The following MYH11 variants were observed in gnomAD, a reference collection of about 807,000 sequenced individuals.
MYH11 encodes myosin heavy chain 11.
A neutral mutation model predicts 246.6 loss-of-function variants in MYH11; 80 were observed. The observed-to-expected ratio is 0.32, with a 90% CI of 0.27 to 0.39. MYH11 has a LOEUF of 0.39. MYH11 is among the 10% of genes least tolerant of loss of function. MYH11 has a pLI of 1.00. For missense variants in MYH11, 2,158 were observed against 2,546.8 expected (o/e 0.85, Z 3.29); for synonymous variants, 1,071 against 1,015.5 (o/e 1.05, Z -1.04).
chr16:15,787,641 T>C (rs1217982047), intron 4 of MYH11, among the ~76,000 whole-genome samples: 1 of 151,726 alleles, frequency 6.6e-6, no homozygotes, highest in Non-Finnish European at 1.5e-5. Flanking sequence ...ACTCGGCTAA[T>C]TTTTTGTATT....
chr16:15,763,741 T>TCGGCCCC, intron 10 of MYH11, 55 bp downstream of exon 10: 7 of 646,846 alleles, frequency 1.1e-5, no homozygotes, highest in East Asian at 3.2e-5. Context: ...AAATGTCACC[T>TCGGCCCC]CCCCCACCCC....
chr16:15,819,876 A>G (rs573236617), intron 3 of MYH11, among the ~76,000 whole-genome samples: 2 of 152,302 alleles, frequency 1.3e-5, no homozygotes, highest in Admixed American at 1.3e-4. Flanking sequence ...TTCAATGACT[A>G]CAAGAGCGAT....
intron 38 of MYH11, among the ~76,000 whole-genome samples, chr16:15,716,452 TA>T (rs2040146527): frequency 6.6e-6 from 1 of 152,168 alleles, no homozygotes; most frequent in Non-Finnish European, 1.5e-5. Context: ...ATTCGACCCA[TA>T]ATTAAGAAGG....
intron 8 of MYH11, among the ~76,000 whole-genome samples, chr16:15,774,508 T>TA (rs1439198655): frequency 6.6e-6 from 1 of 152,206 alleles, no homozygotes; most frequent in East Asian, 1.9e-4. Flanking sequence ...TGCTGGTACA[T>TA]AAAAAATCCA....
At chr16:15,792,964 AG>A (rs1345685835) in intron 4 of MYH11, among the ~76,000 whole-genome samples, 3 of 152,104 alleles carry the variant, frequency 2.0e-5, no homozygotes, top group Non-Finnish European at 2.9e-5. Flanking sequence ...TGAACTCCTG[AG>A]CTCAAGCGAT....
intron 7 of MYH11, 136 bp downstream of exon 7, chr16:15,778,644 T>C: frequency 1.1e-6 from 1 of 901,430 alleles, no homozygotes; most frequent in East Asian, 2.5e-5. Context: ...ATGCCTGCTG[T>C]TAAGGGGAGA....
At chr16:15,823,461 G>T (rs769330885) in intron 2 of MYH11, 50 bp from the exon 3 acceptor site, 2 of 1,609,958 alleles carry the variant, frequency 1.2e-6, no homozygotes, top group Admixed American at 1.7e-5. Context: ...AGGGTAGACA[G>T]ATTGCACAGA....
In MYH11 at chr16:15,756,513, T is replaced by C. The variant is rs1314880898; in HGVS notation, c.1577A>G (p.Asn526Ser). 5 of 1,614,148 alleles carry C rather than the reference T, an allele frequency of 3.1e-6. No individual in the cohort carries two copies. In the Admixed American group the frequency reaches 8.3e-5, roughly 27 times the overall value. The change falls in exon 14 of 41, where the codon AAC becomes AGC. Residue 526 changes from asparagine (N) to serine (S), a missense_variant and splice_region_variant. Physicochemically the swap from Asn to Ser is conservative, Grantham distance 46 (BLOSUM62 1). Around this residue, in one of 11 missense-constraint regions of MYH11, gnomAD observed 317 missense variants for 507.7 expected, o/e 0.62. Transcript: ENST00000300036. ...CAGGGCCAGCACACCTGGAGGGTTG[T>C]TCTGTGGGAGACAAGTAGGGCTTGA... is the stretch of plus-strand genomic sequence containing the variant. ...QPCIELIERP[N>S]NPPGVLALLD...
In MYH11 at chr16:15,784,432, G is replaced by A. The variant is rs60894193; in HGVS notation, c.634-1955C>T. Among the ~76,000 whole-genome samples, 4,190 of 152,236 alleles carry A rather than the reference G, an allele frequency of 0.028. 194 individuals carry two copies. Among genetic ancestry groups the A allele is most frequent in the African/African-American group, 0.095 (3,941 of 41,514 alleles). Reference sequence around the variant, plus strand: ...AGGGTGCAGGGGTTCATTCTGAACCGGAGAAATCCATTTCAGGCTGGAGCG... The same window carrying A: ...AGGGTGCAGGGGTTCATTCTGAACCAGAGAAATCCATTTCAGGCTGGAGCG... On this transcript the variant is annotated intron_variant, in intron 5 of 40. Coordinates refer to ENST00000300036, the MANE Select transcript of MYH11 (RefSeq NM_002474.3).
intron 20 of MYH11, among the ~76,000 whole-genome samples, chr16:15,742,932 C>T (rs986326891): frequency 6.6e-6 from 1 of 150,966 alleles, no homozygotes; most frequent in African/African-American, 2.4e-5. Flanking sequence ...CCTCCCACCC[C>T]AGCTCCAGAG....
chr16:15,739,949 C>T, intron 23 of MYH11, 102 bp downstream of exon 23: 1 of 1,248,842 alleles, frequency 8.0e-7, no homozygotes, highest in Non-Finnish European at 1.2e-6. Flanking sequence ...ACCCTGTTGG[C>T]CAGGCTAGTC....
intron 3 of MYH11, among the ~76,000 whole-genome samples, chr16:15,821,831 T>C (rs2043419673): frequency 8.2e-6 from 1 of 122,314 alleles, no homozygotes; most frequent in African/African-American, 3.0e-5. Flanking sequence ...GGCAGGAGAA[T>C]GGCGTGAACC....
intron 3 of MYH11, among the ~76,000 whole-genome samples, chr16:15,803,565 A>C (rs754797351): frequency 3.2e-4 from 49 of 152,242 alleles, no homozygotes; most frequent in Non-Finnish European, 5.3e-4. Context: ...TTTTTAAAAG[A>C]GGGTGAAGGA....
In MYH11 at chr16:15,703,861, G is replaced by T. The variant is rs1176209843; in HGVS notation, c.*130C>A. 1 of 1,280,138 alleles carries T rather than the reference G, an allele frequency of 7.8e-7. No homozygotes were observed. Among genetic ancestry groups the T allele is most frequent in the South Asian group, 1.2e-5 (1 of 83,436 alleles). 79.3% of individuals were successfully genotyped at this position (1,280,138 alleles called of 1,614,324 possible). A position where few individuals can be genotyped will look rare whatever the true frequency, so the allele number is the denominator to read the frequency against. On this transcript the variant is annotated 3_prime_UTR_variant, in exon 41 of 41. Coordinates refer to ENST00000300036, the MANE Select transcript of MYH11 (RefSeq NM_002474.3). ...GGTGTCTGTGATATTTGGAATTTGA[G>T]AATGGATTTAGACAATGCTAAGTAC...
intron 2 of MYH11, among the ~76,000 whole-genome samples, chr16:15,827,646 T>C (rs541036090): frequency 6.9e-4 from 105 of 152,280 alleles, no homozygotes; most frequent in Middle Eastern, 6.8e-3. Context: ...CCCTTTCTCC[T>C]CTTCAGTCCC....
intron 3 of MYH11, among the ~76,000 whole-genome samples, chr16:15,804,315 A>C (rs967860424): frequency 7.9e-5 from 12 of 152,140 alleles, no homozygotes; most frequent in Non-Finnish European, 1.6e-4. Context: ...TGGATCTCCT[A>C]AAGTCGGGAG....
At chr16:15,854,205 G>A (rs1439611348) in intron 1 of MYH11, among the ~76,000 whole-genome samples, 8 of 152,042 alleles carry the variant, frequency 5.3e-5, no homozygotes, top group Non-Finnish European at 1.2e-4. Flanking sequence ...CTCCTTTAAC[G>A]GCCACATAGT....
Position 15,719,128 on chromosome 16 carries a change from G to T in MYH11, c.5171+92C>A. 5.2e-6 allele frequency: 7 copies of T among 1,339,004 alleles called. No homozygotes were observed. In the South Asian group the frequency reaches 8.5e-5, roughly 16 times the overall value. The allele number at this position is 1,339,004 out of a possible 1,614,324, so 82.9% of individuals were successfully genotyped here. A position where few individuals can be genotyped will look rare whatever the true frequency, so the allele number is the denominator to read the frequency against. On this transcript the variant is annotated intron_variant, in intron 36 of 40. Transcript: ENST00000300036. ...GGGTGACAGAATGAAACTCTGTCTC[G>T]AAAAAATTTAAAAAATAAAATGGGG...
intron 6 of MYH11, chr16:15,779,173 G>A: frequency 2.4e-6 from 1 of 412,992 alleles, no homozygotes; most frequent in Non-Finnish European, 4.6e-6. Context: ...CTGTCAGCGA[G>A]GGCTGGAGTG....
Sources: gnomAD v4.1 joint callset for allele counts (sites outside exome capture counted in the v4.1 genomes callset) on GRCh38, gnomAD v4.1.1 for gene constraint, gnomAD v4.1.1 regional missense constraint, MANE v1.5 for transcripts, NCBI Gene and HGNC (gene_info 2026-07-23, HGNC 2026-07-21) for gene names.